The following MTCL1 variants were observed in gnomAD, a reference collection of about 807,000 sequenced individuals.
MTCL1 encodes microtubule cross-linking factor 1.
MTCL1 carries 79 observed loss-of-function variants against 141.4 expected under a neutral mutation model. The observed-to-expected ratio is 0.56, with a 90% CI of 0.47 to 0.67. The LOEUF is 0.67. Ranked by LOEUF, MTCL1 falls within the 30% of genes least tolerant of loss-of-function variation. The pLI is 0.00. For missense variants in MTCL1, 2,177 were observed against 2,113.9 expected (o/e 1.03, Z -0.59); for synonymous variants, 914 against 875.8 (o/e 1.04, Z -0.77).
exon 6 of MTCL1, chr18:8,784,615 G>A: frequency 6.2e-7 from 1 of 1,613,552 alleles, no homozygotes; most frequent in South Asian, 1.1e-5. Flanking sequence ...AAGAGGAGCA[G>A]GGTGAGGGGG....
At chr18:8,786,033 G>GCGCAGA (rs747765237) in exon 7 of MTCL1, 5 of 1,605,456 alleles carry the variant, frequency 3.1e-6, no homozygotes, top group Non-Finnish European at 3.4e-6. Context: ...CTGCACCGCC[G>GCGCAGA]CGCAGACGGG....
chr18:8,789,313 A>G (rs1421997203), intron 7 of MTCL1: 1 of 733,804 alleles, frequency 1.4e-6, no homozygotes, highest in East Asian at 1.3e-4. Context: ...AAGTGGTTGC[A>G]AAACTGGCCA....
At chr18:8,803,430 C>T (rs1049482033) in intron 10 of MTCL1, among the ~76,000 whole-genome samples, 2 of 152,178 alleles carry the variant, frequency 1.3e-5, no homozygotes, top group African/African-American at 4.8e-5. Flanking sequence ...ATCCCCTGGC[C>T]ATAGGAAGCA....
chr18:8,796,260 G>C, exon 9 of MTCL1: 1 of 1,614,140 alleles, frequency 6.2e-7, no homozygotes, highest in Non-Finnish European at 8.5e-7. Flanking sequence ...TATGCCTTGA[G>C]GTGGAAAGAA....
At chr18:8,726,296 T>C (rs1429331798) in intron 4 of MTCL1, among the ~76,000 whole-genome samples, 10 of 146,254 alleles carry the variant, frequency 6.8e-5, no homozygotes, top group African/African-American at 2.5e-4. Context: ...CTTTTTTTTT[T>C]TTTTTTTTTT....
intron 5 of MTCL1, among the ~76,000 whole-genome samples, chr18:8,783,122 G>A (rs966806074): frequency 2.0e-5 from 3 of 152,216 alleles, no homozygotes; most frequent in African/African-American, 7.2e-5. Context: ...GAGGGGTCCT[G>A]CTGTCTCTCA....
At chr18:8,771,589 G>A (rs2096485400) in intron 4 of MTCL1, among the ~76,000 whole-genome samples, 1 of 152,024 alleles carries the variant, frequency 6.6e-6, no homozygotes, top group East Asian at 1.9e-4. Flanking sequence ...ACACACTTTA[G>A]CAATTGAGAG....
chr18:8,781,012 C>T (rs905388528), intron 5 of MTCL1, among the ~76,000 whole-genome samples: 13 of 151,614 alleles, frequency 8.6e-5, no homozygotes, highest in African/African-American at 3.2e-4. Context: ...ACCAAAAATA[C>T]AAAAATTAGC....
At chr18:8,706,256 G>A in exon 1 of MTCL1, 2 of 1,228,638 alleles carry the variant, frequency 1.6e-6, no homozygotes, top group Middle Eastern at 2.1e-4. Flanking sequence ...TCCCCGGCCC[G>A]CTGCTCGCGC....
chr18:8,788,500 A>G (rs484913), intron 7 of MTCL1, among the ~76,000 whole-genome samples: 86,447 of 152,082 alleles, frequency 0.57, 25,555 homozygotes, highest in African/African-American at 0.74. Flanking sequence ...TTTATATTTG[A>G]GGAAAGAGGA....
chr18:8,746,563 T>C (rs2096339300), intron 4 of MTCL1, among the ~76,000 whole-genome samples: 1 of 152,200 alleles, frequency 6.6e-6, no homozygotes, highest in Non-Finnish European at 1.5e-5. Context: ...AGTGGGCATT[T>C]TCTTGTCCTA....
chr18:8,829,444 T>C, intron 16 of MTCL1: 2 of 973,346 alleles, frequency 2.1e-6, no homozygotes, highest in East Asian at 2.3e-4. Flanking sequence ...CCACAAGGAA[T>C]GAACCCAAAT....
chr18:8,786,005 C>T (rs375862127), exon 7 of MTCL1: 32 of 1,607,496 alleles, frequency 2.0e-5, no homozygotes, highest in African/African-American at 2.7e-5. Context: ...GAGCCTGCGC[C>T]TCCGAGCCGC....
exon 7 of MTCL1, chr18:8,786,034 C>G: frequency 1.2e-6 from 2 of 1,605,816 alleles, no homozygotes; most frequent in Non-Finnish European, 1.7e-6. Flanking sequence ...TGCACCGCCG[C>G]GCAGACGGGG....
Position 8,798,088 on chromosome 18 carries a change from C to G in MTCL1, c.2242-9C>G, listed in dbSNP as rs561616555. 6 of 1,569,326 alleles carry G rather than the reference C, an allele frequency of 3.8e-6. No individual in the cohort carries two copies. The highest frequency in any genetic ancestry group is 5.2e-6 in the Non-Finnish European group (6 of 1,164,052). On this transcript the variant is annotated splice_polypyrimidine_tract_variant and intron_variant, in intron 9 of 16. Transcript: ENST00000359865. The stretch of plus-strand genomic sequence containing the variant: ...TGAAGCTGTGATCGTCACCTCCTGC[C>G]TGTTTCAGGGTGAACATCCAGAGAC...
rs2077112766 is a variant in MTCL1, at chr18:8,828,977, T to G, written c.*18+13T>G. ...CCCGCCTCACGCTGTAAGTGCTTCC[T>G]TCCTTGTTTCCCAACTGTCTGGAGA... On this transcript the variant is annotated intron_variant, in intron 16 of 16. Transcript: ENST00000359865. The surrounding 1 kb of genome is among the most constrained non-coding windows in gnomAD (Gnocchi z 5.2). The G allele has an allele frequency of 6.2e-7, 1 of 1,614,094 alleles. No homozygotes were observed. The highest frequency in any genetic ancestry group is 1.3e-5 in the African/African-American group (1 of 74,956).
At chr18:8,775,143 C>T (rs956055778) in intron 4 of MTCL1, among the ~76,000 whole-genome samples, 7 of 152,280 alleles carry the variant, frequency 4.6e-5, no homozygotes, top group African/African-American at 1.4e-4. Context: ...GTGATGAAAG[C>T]CAGGGACAGC....
chr18:8,806,747 T>C, intron 10 of MTCL1, 146 bp from the exon 10 acceptor site: 1 of 748,464 alleles, frequency 1.3e-6, no homozygotes, highest in Non-Finnish European at 2.1e-6. Flanking sequence ...CCCGGCTAAC[T>C]GCAGACTCCC....
chr18:8,717,421 G>A (rs2096135928), exon 1 of MTCL1: 1 of 152,444 alleles, frequency 6.6e-6, no homozygotes, highest in African/African-American at 2.4e-5. Context: ...GCCTGAAGAA[G>A]CAAAGGTGCG....
Sources: allele counts gnomAD v4.1 joint callset (sites outside exome capture counted in the v4.1 genomes callset), GRCh38; gene constraint gnomAD v4.1.1; non-coding constraint Gnocchi (gnomAD v3.1); transcripts MANE v1.5; gene names NCBI Gene and HGNC (gene_info 2026-07-23, HGNC 2026-07-21).